TBC1D28: variants seen among roughly 807,000 people sequenced by gnomAD.
TBC1D28 encodes the protein TBC1 domain family member 28, also known as TBC1 domain family, member 28.
In TBC1D28, 20 loss-of-function variants were observed where a neutral mutation model predicts 29.2. The ratio of observed to expected loss-of-function variants is 0.68; its 90% CI spans 0.48 to 0.99. TBC1D28 has a LOEUF of 0.99. Among genes scored for constraint, TBC1D28 ranks in the 50% least tolerant of loss-of-function variants. The probability of loss-of-function intolerance (pLI) is 0.00; values close to 1 mark genes in which losing one functional copy is unlikely to be tolerated. For missense variants in TBC1D28, 205 were observed against 243.7 expected (o/e 0.84, Z 1.06); for synonymous variants, 65 against 90.9 (o/e 0.71, Z 1.62).
intron 7 of TBC1D28, 78 bp downstream of exon 8, chr17:18,638,235 C>T: frequency 6.5e-7 from 1 of 1,529,944 alleles, no homozygotes; most frequent in Non-Finnish European, 9.0e-7. Flanking sequence ...GCTCAACGTT[C>T]CCTCCAGCTG....
intron 2 of TBC1D28, 66 bp from the exon 4 acceptor site, chr17:18,641,419 C>T (rs539767778): frequency 2.4e-5 from 25 of 1,037,366 alleles, no homozygotes; most frequent in Admixed American, 3.9e-5. Flanking sequence ...CCAAACCACA[C>T]GCACTGCACT....
At chr17:18,637,793 C>T in intron 8 of TBC1D28, 71 bp downstream of exon 9, 5 of 1,609,896 alleles carry the variant, frequency 3.1e-6, no homozygotes, top group Non-Finnish European at 4.2e-6. Flanking sequence ...TGGCCTCTGC[C>T]CTGGGGACAA....
exon 7 of TBC1D28, chr17:18,638,420 G>A (rs760368736): frequency 1.9e-6 from 3 of 1,614,150 alleles, no homozygotes; most frequent in Non-Finnish European, 2.5e-6. Flanking sequence ...CTTTGAGACA[G>A]CTACAGACAG....
intron 3 of TBC1D28, 22 bp from the exon 5 acceptor site, chr17:18,641,126 G>T: frequency 1.3e-6 from 1 of 749,482 alleles, no homozygotes; most frequent in Non-Finnish European, 2.1e-6. Flanking sequence ...AGGAGGCCAG[G>T]ATAGTGGGGG....
chr17:18,637,821 G>T, intron 8 of TBC1D28, 43 bp downstream of exon 9: 1 of 1,613,230 alleles, frequency 6.2e-7, no homozygotes, highest in Non-Finnish European at 8.5e-7. Context: ...CCTCTGGATT[G>T]CCCCATCTTC....
exon 9 of TBC1D28, chr17:18,635,876 G>T: frequency 1.0e-6 from 1 of 992,046 alleles, no homozygotes; most frequent in South Asian, 4.6e-5. Context: ...TTTGTCCCAG[G>T]AGAGGCCCAG....
intron 2 of TBC1D28, 129 bp downstream of exon 3, chr17:18,641,503 C>A: frequency 1.2e-6 from 1 of 860,112 alleles, no homozygotes; most frequent in South Asian, 1.7e-5. Context: ...ACTCAGTGGC[C>A]CCACCCCTGA....
chr17:18,641,518 A>G lies in TBC1D28; in HGVS notation c.-2+114T>C, dbSNP rs925379909. ...ACTCAGTGGCCCCACCCCTGACTGG[A>G]TCTCTGAAGTCCTGACCTCCAACCA... On this transcript the variant is annotated intron_variant, in intron 2 of 8. Transcript: ENST00000345096. 3 of 754,792 alleles carry G rather than the reference A, an allele frequency of 4.0e-6. No homozygotes were observed. In the African/African-American group the frequency reaches 5.3e-5, roughly 13 times the overall value. The allele number at this position is 754,792 out of a possible 1,614,324, so 46.8% of individuals were successfully genotyped here.
In TBC1D28 at chr17:18,636,253, G is replaced by A. The variant is rs548889383; in HGVS notation, c.*209C>T. On this transcript the variant is annotated 3_prime_UTR_variant, in exon 9 of 9. Coordinates refer to ENST00000345096, the Ensembl canonical transcript of TBC1D28. ...GGCCCATCAGGCACCTCAGCAACTTGTCAAACCTGTCTCCTACAAGGACCA... is the reference window on the plus strand; with the variant it reads ...GGCCCATCAGGCACCTCAGCAACTTATCAAACCTGTCTCCTACAAGGACCA... The A allele has an allele frequency of 1.7e-5, 23 of 1,351,352 alleles. No homozygotes were observed. In the East Asian group the frequency reaches 5.9e-4, roughly 34 times the overall value. The allele number at this position is 1,351,352 out of a possible 1,614,324, so 83.7% of individuals were successfully genotyped here.
chr17:18,637,352 A>G (rs1363761369), intron 8 of TBC1D28, among the ~76,000 whole-genome samples: 1 of 113,920 alleles, frequency 8.8e-6, no homozygotes, highest in Admixed American at 9.1e-5. Flanking sequence ...AGTGTGGCCA[A>G]TATCTGTCAC....
Position 18,635,904 on chromosome 17 carries a change from A to T in TBC1D28, c.*558T>A, listed in dbSNP as rs1487505423. On this transcript the variant is annotated 3_prime_UTR_variant, in exon 9 of 9. Transcript: ENST00000345096. ...AGGCCCAGGATGGTTGCTCCCTTGA[A>T]GTCACCCGCCAGTCTGAAGGCCCAG... 1.6e-5 allele frequency: 16 copies of T among 988,718 alleles called. No individual in the cohort carries two copies. In the Admixed American group the frequency reaches 4.2e-4, roughly 26 times the overall value. The allele number at this position is 988,718 out of a possible 1,614,324, so 61.2% of individuals were successfully genotyped here.
downstream of TBC1D28, among the ~76,000 whole-genome samples, chr17:18,634,849 C>CCCTCAGCCGCCTCAGCCG (rs1158996868): frequency 7.2e-6 from 1 of 138,328 alleles, no homozygotes; most frequent in Admixed American, 7.0e-5. Context: ...CCTCCTCAGC[C>CCCTCAGCCGCCTCAGCCG]CCTCAGCCGC....
rs977620004 is a variant in TBC1D28, at chr17:18,635,874, A to G, written c.*588T>C. ...GTGGGTGAAGGCAAGTGTTTGTCCC[A>G]GGAGAGGCCCAGGATGGTTGCTCCC... is the stretch of plus-strand genomic sequence containing the variant. On this transcript the variant is annotated 3_prime_UTR_variant, in exon 9 of 9. Transcript: ENST00000345096. The G allele has an allele frequency of 1.5e-5, 15 of 992,492 alleles. No homozygotes were observed. The African/African-American group carries it at 2.6e-4, about 17-fold the overall frequency. The allele number at this position is 992,492 out of a possible 1,614,324, so 61.5% of individuals were successfully genotyped here. A position where few individuals can be genotyped will look rare whatever the true frequency, so the allele number is the denominator to read the frequency against.
downstream of TBC1D28, among the ~76,000 whole-genome samples, chr17:18,634,522 C>G (rs911172469): frequency 1.3e-5 from 2 of 151,762 alleles, no homozygotes; most frequent in African/African-American, 4.8e-5. Context: ...TTAATCAAGT[C>G]AGCATAAAAA....
exon 9 of TBC1D28, chr17:18,636,415 G>A (rs781220144): frequency 7.5e-6 from 12 of 1,602,710 alleles, no homozygotes; most frequent in Middle Eastern, 1.7e-4. Context: ...TGCCAGCAGC[G>A]AGCTGAAGTC....
At chr17:18,636,283 G>C in exon 9 of TBC1D28, 3 of 1,410,464 alleles carry the variant, frequency 2.1e-6, no homozygotes, top group Non-Finnish European at 2.8e-6. Flanking sequence ...GGACCATCCT[G>C]TGTGGGACCC....
rs1240882403 is a variant in TBC1D28 at position 18,638,833 on chromosome 17, G to A, written c.199-132C>T. On this transcript the variant is annotated intron_variant, in intron 5 of 8. Coordinates refer to ENST00000345096, the Ensembl canonical transcript of TBC1D28. ...AAGCCAGGAAAGGGCAGGCCCCAGG[G>A]GCTGAGACCCTCTGAAGGAACTGGA... 8 of 1,151,514 alleles carry A rather than the reference G, an allele frequency of 6.9e-6. No individual in the cohort carries two copies. The Admixed American group carries it at 1.3e-4, about 19-fold the overall frequency. 71.3% of individuals were successfully genotyped at this position (1,151,514 alleles called of 1,614,324 possible). A position where few individuals can be genotyped will look rare whatever the true frequency, so the allele number is the denominator to read the frequency against.
Position 18,640,249 on chromosome 17 carries a change from T to C in TBC1D28, c.158+773A>G, listed in dbSNP as rs2031700726. ...TGAGGGGTCCCAGGTGAGCCACTGTTCCCTGCCCACCCCATCTGTTGTCCT... is the reference window on the plus strand; with the variant it reads ...TGAGGGGTCCCAGGTGAGCCACTGTCCCCTGCCCACCCCATCTGTTGTCCT... On this transcript the variant is annotated intron_variant, in intron 4 of 8. Transcript: ENST00000345096. 4.0e-5 allele frequency among the ~76,000 whole-genome samples: 6 copies of C among 150,186 alleles called. 1 individual carries two copies. The South Asian group carries it at 1.3e-3, about 32-fold the overall frequency.
chr17:18,640,216 T>G (rs1009718089), intron 4 of TBC1D28, among the ~76,000 whole-genome samples: 12 of 151,618 alleles, frequency 7.9e-5, no homozygotes, highest in Admixed American at 6.6e-4. Flanking sequence ...CTGACCAAGT[T>G]CCCCCACTGA....
Sources: gnomAD v4.1 joint callset for allele counts (sites outside exome capture counted in the v4.1 genomes callset) on GRCh38, gnomAD v4.1.1 for gene constraint, MANE v1.5 for transcripts, NCBI Gene and HGNC (gene_info 2026-07-23, HGNC 2026-07-21) for gene names.